Variants in GPM6A observed in about 807,000 individuals in gnomAD.
GPM6A encodes neuronal membrane glycoprotein M6-a.
Under a neutral mutation model 32.1 loss-of-function variants are expected in GPM6A, and 7 were observed. The ratio of observed to expected loss-of-function variants is 0.22; its 90% CI spans 0.12 to 0.41. GPM6A has a LOEUF of 0.41. Ranked by LOEUF, GPM6A falls within the 10% of genes least tolerant of loss-of-function variation. GPM6A has a pLI of 1.00. For missense variants in GPM6A, 235 were observed against 347.2 expected (o/e 0.68, Z 2.57); for synonymous variants, 130 against 123.4 (o/e 1.05, Z -0.35).
chr4:175,953,449 G>T (rs562712152), intron 1 of GPM6A, among the ~76,000 whole-genome samples: 23 of 152,182 alleles, frequency 1.5e-4, no homozygotes, highest in Non-Finnish European at 2.6e-4. Context: ...ACCACAAAAA[G>T]AGTAGCCAAT....
chr4:175,690,552 A>C (rs138922144), intron 2 of GPM6A, among the ~76,000 whole-genome samples: 1 of 152,226 alleles, frequency 6.6e-6, no homozygotes, highest in African/African-American at 2.4e-5. Flanking sequence ...CTTCCCTTGC[A>C]CTTTCCGACT....
intron 1 of GPM6A, among the ~76,000 whole-genome samples, chr4:175,747,961 A>G (rs914997404): frequency 1.3e-5 from 2 of 152,208 alleles, no homozygotes; most frequent in South Asian, 2.1e-4. Context: ...TTTTTACAAT[A>G]TCTTTGCCAA....
intron 1 of GPM6A, among the ~76,000 whole-genome samples, chr4:175,881,486 A>G (rs1737273519): frequency 1.3e-5 from 2 of 152,238 alleles, no homozygotes; most frequent in African/African-American, 4.8e-5. Flanking sequence ...CAGCCATCCC[A>G]TTACTGGGTA....
At chr4:175,932,351 G>A (rs2126313925) in intron 1 of GPM6A, among the ~76,000 whole-genome samples, 1 of 152,214 alleles carries the variant, frequency 6.6e-6, no homozygotes, top group Middle Eastern at 3.4e-3. Context: ...TGCCAGGCGA[G>A]GACTCAGCAT....
chr4:175,686,767 G>A (rs1172578837), intron 2 of GPM6A, among the ~76,000 whole-genome samples: 3 of 152,212 alleles, frequency 2.0e-5, no homozygotes. Context: ...AACTAATATA[G>A]TTGACTAATT....
chr4:175,895,776 CT>C (rs1374635635), intron 1 of GPM6A, among the ~76,000 whole-genome samples: 1 of 152,050 alleles, frequency 6.6e-6, no homozygotes, highest in Non-Finnish European at 1.5e-5. Flanking sequence ...ATTAAGTATA[CT>C]GTATATGATG....
chr4:175,833,986 C>T (rs1376091883), intron 1 of GPM6A, among the ~76,000 whole-genome samples: 2 of 152,090 alleles, frequency 1.3e-5, no homozygotes. Flanking sequence ...CGTCTCTGAG[C>T]TAGTGCGTTT....
chr4:175,934,598 G>T (rs751016914), intron 1 of GPM6A, among the ~76,000 whole-genome samples: 8 of 152,164 alleles, frequency 5.3e-5, no homozygotes, highest in Non-Finnish European at 1.0e-4. Flanking sequence ...GCATGTGACA[G>T]TGTTTGTTTT....
At chr4:175,639,936 GTAA>G (rs899364831) in intron 6 of GPM6A, among the ~76,000 whole-genome samples, 190 bp downstream of exon 6, 6 of 151,762 alleles carry the variant, frequency 4.0e-5, no homozygotes, top group South Asian at 4.2e-4. Context: ...TCTCAATATG[GTAA>G]TAATAATATT....
chr4:175,871,490 A>T (rs564310019), intron 1 of GPM6A, among the ~76,000 whole-genome samples: 2 of 152,246 alleles, frequency 1.3e-5, no homozygotes, highest in South Asian at 2.1e-4. Flanking sequence ...AAAATAAAGA[A>T]AGAATTCAAT....
At chr4:175,860,991 A>G (rs1000440995) in intron 1 of GPM6A, among the ~76,000 whole-genome samples, 3 of 152,220 alleles carry the variant, frequency 2.0e-5, no homozygotes, top group Non-Finnish European at 4.4e-5. Flanking sequence ...TAACAAAAAA[A>G]AACACTAGGC....
At chr4:175,817,060 G>A (rs1489208181), upstream of GPM6A, among the ~76,000 whole-genome samples, 1 of 151,972 alleles carries the variant, frequency 6.6e-6, no homozygotes, top group Non-Finnish European at 1.5e-5. Flanking sequence ...GGGTTTCACC[G>A]TGGTAGCCAG....
At chr4:175,684,291 A>C (rs1743852410) in intron 2 of GPM6A, among the ~76,000 whole-genome samples, 1 of 152,218 alleles carries the variant, frequency 6.6e-6, no homozygotes, top group African/African-American at 2.4e-5. Flanking sequence ...ACTTTAAAAA[A>C]AGAGAAATTA....
At chr4:175,637,680 TATATA>T (rs1740845213) in intron 6 of GPM6A, among the ~76,000 whole-genome samples, 1 of 1,336 alleles carries the variant, frequency 7.5e-4, no homozygotes, top group Non-Finnish European at 2.2e-3. Context: ...ATATAATATA[TATATA>T]ATATATAATA....
intron 1 of GPM6A, among the ~76,000 whole-genome samples, chr4:175,761,480 T>C (rs1424162803): frequency 6.6e-6 from 1 of 152,178 alleles, no homozygotes; most frequent in Non-Finnish European, 1.5e-5. Context: ...TACTATAACC[T>C]AATGCTATAA....
intron 1 of GPM6A, among the ~76,000 whole-genome samples, chr4:175,744,268 A>T (rs1732006902): frequency 6.6e-6 from 1 of 152,096 alleles, no homozygotes. Flanking sequence ...TTATGGGTCA[A>T]AAAGAAATCA....
intron 1 of GPM6A, chr4:175,962,242 TC>T (rs974286286): frequency 7.4e-7 from 1 of 1,350,318 alleles, no homozygotes; most frequent in Non-Finnish European, 1.1e-6. Context: ...AACATTGACC[TC>T]CTATATGTCA....
At chr4:175,778,152 G>A (rs1292014612) in intron 1 of GPM6A, among the ~76,000 whole-genome samples, 1 of 152,160 alleles carries the variant, frequency 6.6e-6, no homozygotes, top group African/African-American at 2.4e-5. Flanking sequence ...GGGCCCACCA[G>A]AATTCTGTTT....
intron 1 of GPM6A, among the ~76,000 whole-genome samples, chr4:175,831,595 T>C (rs1390409449): frequency 6.6e-6 from 1 of 151,984 alleles, no homozygotes; most frequent in African/African-American, 2.4e-5. Flanking sequence ...GACAGGCTAC[T>C]CCCACCCTTC....
Sources: gnomAD v4.1 joint callset for allele counts (sites outside exome capture counted in the v4.1 genomes callset) on GRCh38, gnomAD v4.1.1 for gene constraint, MANE v1.5 for transcripts, NCBI Gene and HGNC (gene_info 2026-07-23, HGNC 2026-07-21) for gene names.